SLC38A4: variants seen among roughly 807,000 people sequenced by gnomAD.
SLC38A4 encodes solute carrier family 38 member 4.
In SLC38A4, 20 loss-of-function variants were observed where a neutral mutation model predicts 63.1. That is an observed-to-expected ratio of 0.32 (90% CI 0.22 to 0.46). The LOEUF is 0.46. Among genes scored for constraint, SLC38A4 ranks in the 20% least tolerant of loss-of-function variants. The pLI is 1.00. For missense variants in SLC38A4, 526 were observed against 663.6 expected (o/e 0.79, Z 2.28); for synonymous variants, 230 against 225.5 (o/e 1.02, Z -0.18).
rs547029250 is a variant in SLC38A4 at position 46,774,226 on chromosome 12, G to A, written c.1299+823C>T. Among the ~76,000 whole-genome samples the A allele has an allele frequency of 2.0e-5, 3 of 152,190 alleles. No homozygotes were observed. The South Asian group carries it at 6.2e-4, about 31-fold the overall frequency. ...TGACCACAGTGTCATTATAGAAATA[G>A]TCTTCATATGCAAGCCCTGTATGGA... On this transcript the variant is annotated intron_variant, in intron 14 of 16. Coordinates refer to ENST00000266579, the MANE Select transcript of SLC38A4 (RefSeq NM_018018.5).
intron 2 of SLC38A4, among the ~76,000 whole-genome samples, chr12:46,797,365 A>C (rs1182151074): frequency 6.6e-6 from 1 of 152,172 alleles, no homozygotes; most frequent in Non-Finnish European, 1.5e-5. Flanking sequence ...ACAAAAAGGC[A>C]GAGGAAGGGC....
chr12:46,778,491 G>A lies in SLC38A4; in HGVS notation c.993+10C>T, dbSNP rs368720799. On this transcript the variant is annotated intron_variant, in intron 11 of 16. Coordinates refer to ENST00000266579, the MANE Select transcript of SLC38A4 (RefSeq NM_018018.5). ...ACTGTACTCATTAGAAGCCCGGACC[G>A]CTCACTTACCCGGGAGTTGAATACA... is the stretch of plus-strand genomic sequence containing the variant. 1.2e-5 allele frequency: 19 copies of A among 1,609,842 alleles called. No individual in the cohort carries two copies. Among genetic ancestry groups the A allele is most frequent in the Non-Finnish European group, 1.6e-5 (19 of 1,176,946 alleles).
intron 3 of SLC38A4, among the ~76,000 whole-genome samples, chr12:46,789,448 G>A (rs189085727): frequency 6.6e-6 from 1 of 152,266 alleles, no homozygotes; most frequent in East Asian, 1.9e-4. Context: ...TCCACAGAGC[G>A]TTGTGATTCT....
intron 1 of SLC38A4, chr12:46,824,300 ACATACTTTTTTT>A (rs1454211829): frequency 6.6e-6 from 1 of 152,228 alleles, no homozygotes; most frequent in African/African-American, 2.4e-5. Flanking sequence ...TTGTCTAAGT[ACATACTTTTTTT>A]CTGTCCTGTT....
At chr12:46,807,886 G>T (rs924378799) in intron 1 of SLC38A4, among the ~76,000 whole-genome samples, 2 of 61,100 alleles carry the variant, frequency 3.3e-5, no homozygotes, top group African/African-American at 4.5e-5. Context: ...ATAATTAAAT[G>T]TTACCCCCCC....
In SLC38A4 at chr12:46,769,351, C is replaced by A; in HGVS notation, c.1377G>T (p.Val459=). The change falls in exon 15 of 17, where the codon GTG becomes GTT. Residue 459 remains valine, a synonymous_variant. Transcript: ENST00000266579. Reference sequence around the variant, plus strand: ...CCAGAACATTATTAAGTGCAATAAGCACAGCTGCAATCAGGAAATGTCGTA... The same window carrying A: ...CCAGAACATTATTAAGTGCAATAAGAACAGCTGCAATCAGGAAATGTCGTA... The part of the protein sequence containing the change: ...SWIRHFLIAA[V]LIALNNVLVI... 1 of 1,613,358 alleles carries A rather than the reference C, an allele frequency of 6.2e-7. No individual in the cohort carries two copies. Among genetic ancestry groups the A allele is most frequent in the South Asian group, 1.1e-5 (1 of 91,050 alleles).
At chr12:46,823,654 A>G (rs1472942182) in intron 1 of SLC38A4, among the ~76,000 whole-genome samples, 1 of 152,242 alleles carries the variant, frequency 6.6e-6, no homozygotes, top group African/African-American at 2.4e-5. Context: ...GTGAATTGAC[A>G]ATATGTCTCT....
At chr12:46,788,430 G>T in intron 4 of SLC38A4, 98 bp downstream of exon 4, 1 of 969,214 alleles carries the variant, frequency 1.0e-6, no homozygotes, top group African/African-American at 1.6e-5. Context: ...TGCTGATCAA[G>T]GCTTGGAAAA....
chr12:46,789,037 C>A (rs963199769), intron 3 of SLC38A4, among the ~76,000 whole-genome samples: 1 of 152,002 alleles, frequency 6.6e-6, no homozygotes, highest in African/African-American at 2.4e-5. Flanking sequence ...TTATTAAATG[C>A]CTAGGCACTG....
chr12:46,823,945 G>A (rs1040700316), intron 1 of SLC38A4, among the ~76,000 whole-genome samples: 1 of 152,178 alleles, frequency 6.6e-6, no homozygotes, highest in Non-Finnish European at 1.5e-5. Flanking sequence ...AGGGACCTCT[G>A]GGAGACCTCC....
chr12:46,794,357 A>G (rs1174590041), intron 2 of SLC38A4, among the ~76,000 whole-genome samples: 1 of 152,150 alleles, frequency 6.6e-6, no homozygotes, highest in Admixed American at 6.6e-5. Flanking sequence ...AGAAATGATA[A>G]AATTCACATC....
chr12:46,777,033 T>C, intron 12 of SLC38A4, 29 bp from the exon 13 acceptor site: 1 of 1,546,656 alleles, frequency 6.5e-7, no homozygotes, highest in African/African-American at 1.4e-5. Context: ...CCAAGCTTTG[T>C]TTTTTAAACT....
chr12:46,792,618 T>G (rs1195111827), intron 3 of SLC38A4, among the ~76,000 whole-genome samples: 2 of 151,972 alleles, frequency 1.3e-5, no homozygotes, highest in East Asian at 1.9e-4. Flanking sequence ...GAGGATACTT[T>G]TAGAGAGAAA....
intron 3 of SLC38A4, among the ~76,000 whole-genome samples, chr12:46,790,594 C>A (rs890795582): frequency 7.9e-5 from 12 of 152,096 alleles, no homozygotes; most frequent in African/African-American, 2.9e-4. Flanking sequence ...ACTCTGGAAT[C>A]TTTATTTTAA....
chr12:46,777,201 C>A (rs1279985868), intron 12 of SLC38A4, among the ~76,000 whole-genome samples, 197 bp from the exon 13 acceptor site: 1 of 151,926 alleles, frequency 6.6e-6, no homozygotes, highest in African/African-American at 2.4e-5. Context: ...AAACACTAGT[C>A]CTTCAGTCTT....
intron 14 of SLC38A4, among the ~76,000 whole-genome samples, chr12:46,773,242 T>C (rs760399944): frequency 6.6e-6 from 1 of 151,960 alleles, no homozygotes; most frequent in African/African-American, 2.4e-5. Flanking sequence ...AGTTTATACA[T>C]TTCAAGACAA....
intron 1 of SLC38A4, among the ~76,000 whole-genome samples, chr12:46,818,181 A>G (rs761193728): frequency 5.9e-5 from 9 of 151,826 alleles, no homozygotes; most frequent in Non-Finnish European, 1.5e-5. Flanking sequence ...AGATAATCCA[A>G]TGGTTTGTGT....
intron 3 of SLC38A4, among the ~76,000 whole-genome samples, chr12:46,792,297 G>A (rs554857071): frequency 2.2e-4 from 34 of 152,206 alleles, no homozygotes; most frequent in Non-Finnish European, 3.2e-4. Context: ...ATGACTGACC[G>A]TTGGCTATGT....
intron 3 of SLC38A4, among the ~76,000 whole-genome samples, chr12:46,790,606 C>T (rs1326131857): frequency 6.6e-6 from 1 of 152,048 alleles, no homozygotes; most frequent in Non-Finnish European, 1.5e-5. Context: ...TTATTTTAAT[C>T]AATAAACTAA....
Sources: allele counts gnomAD v4.1 joint callset (sites outside exome capture counted in the v4.1 genomes callset), GRCh38; gene constraint gnomAD v4.1.1; transcripts MANE v1.5; gene names NCBI Gene and HGNC (gene_info 2026-07-23, HGNC 2026-07-21).